The following COL2A1 variants were observed in gnomAD, a reference collection of about 807,000 sequenced individuals.
COL2A1 encodes the protein collagen alpha-1(II) chain.
COL2A1 carries 28 observed loss-of-function variants against 204.5 expected under a neutral mutation model. The observed-to-expected ratio is 0.14, with a 90% CI of 0.10 to 0.19. COL2A1 has a LOEUF of 0.19. Ranked by LOEUF, COL2A1 falls within the 10% of genes least tolerant of loss-of-function variation. The pLI, the probability that COL2A1 is intolerant of heterozygous loss-of-function variation, is 1.00. For missense variants in COL2A1, 1,388 were observed against 2,027.5 expected, an observed-to-expected ratio of 0.68 and a Z score of 6.06; for synonymous variants, 708 against 718.7, an observed-to-expected ratio of 0.99 and a Z score of 0.24.
Position 47,987,515 on chromosome 12 carries a change from G to T in COL2A1, c.1221+96C>A. On this transcript the variant is annotated intron_variant, in intron 19 of 53. Transcript: ENST00000380518. The surrounding 1 kb of genome is among the most constrained non-coding windows in gnomAD (Gnocchi z 4.1). Reference sequence around the variant, plus strand: ...CATTGGGCCAGAATGAAGGTTTGGTGGTTGGAGCCCACAACTGTCAGAGCA... The same window carrying T: ...CATTGGGCCAGAATGAAGGTTTGGTTGTTGGAGCCCACAACTGTCAGAGCA... 1 of 1,198,166 alleles carries T rather than the reference G, an allele frequency of 8.3e-7. No individual in the cohort carries two copies. Among genetic ancestry groups the T allele is most frequent in the Non-Finnish European group, 1.2e-6 (1 of 825,512 alleles). 74.2% of individuals were successfully genotyped at this position (1,198,166 alleles called of 1,614,324 possible). A position where few individuals can be genotyped will look rare whatever the true frequency, so the allele number is the denominator to read the frequency against.
At chr12:47,983,827 G>T in intron 29 of COL2A1, 91 bp from the exon 30 acceptor site, 1 of 1,343,466 alleles carries the variant, frequency 7.4e-7, no homozygotes, top group Non-Finnish European at 1.0e-6. Context: ...CAGCAGGGTG[G>T]GCAGCACAGG....
At chr12:47,997,430 A>C (rs878959535) in intron 7 of COL2A1, among the ~76,000 whole-genome samples, 176 bp downstream of exon 7, 2 of 152,240 alleles carry the variant, frequency 1.3e-5, no homozygotes, top group African/African-American at 4.8e-5. Flanking sequence ...TTAGCACCAC[A>C]GTCTCATGCC....
Position 47,976,454 on chromosome 12 carries a change from G to T in COL2A1, c.3489+60C>A. On this transcript the variant is annotated intron_variant, in intron 49 of 53. Transcript: ENST00000380518. The surrounding 1 kb of genome is among the most constrained non-coding windows in gnomAD (Gnocchi z 4.3). The stretch of plus-strand genomic sequence containing the variant: ...AAGCAGCAGCATTTCCCTCCCCATG[G>T]GAACACAGGCCCACACTCTCTGAAG... 6.4e-7 allele frequency: 1 copy of T among 1,573,446 alleles called. No individual in the cohort carries two copies. The highest frequency in any genetic ancestry group is 8.7e-7 in the Non-Finnish European group (1 of 1,143,304).
chr12:47,973,412 A>T lies in COL2A1; in HGVS notation c.4459T>A (p.Leu1487Met). The change falls in exon 54 of 54, where the codon TTG becomes ATG. Residue 1487 changes from leucine (L) to methionine (M), a missense_variant. Physicochemically the swap from Leu to Met is conservative, Grantham distance 15. Coordinates refer to ENST00000380518, the MANE Select transcript of COL2A1 (RefSeq NM_001844.5). ...FGVDIGPVCF[L>M] ...TTGTTTCTGGGTTCAGGTTTTTACA[A>T]GAAGCAGACCGGCCCTATGTCCACA... The T allele has an allele frequency of 2.5e-6, 4 of 1,614,164 alleles. No homozygotes were observed. The highest frequency in any genetic ancestry group is 1.3e-5 in the African/African-American group (1 of 75,026).
intron 10 of COL2A1, 131 bp downstream of exon 10, chr12:47,995,579 T>A (rs1373731893): frequency 2.0e-6 from 2 of 989,696 alleles, no homozygotes; most frequent in East Asian, 2.4e-5. Context: ...GGAAGTGACA[T>A]CCGAATTTCC....
chr12:47,978,682 G>A lies in COL2A1; in HGVS notation c.2810C>T (p.Pro937Leu). 2 of 1,613,270 alleles carry A rather than the reference G, an allele frequency of 1.2e-6. No individual in the cohort carries two copies. Among genetic ancestry groups the A allele is most frequent in the Non-Finnish European group, 1.7e-6 (2 of 1,179,978 alleles). The change falls in exon 42 of 54, where the codon CCC becomes CTC. Residue 937 changes from proline to leucine, a missense_variant. Around this residue, in one of 3 missense-constraint regions of COL2A1, gnomAD observed 884 missense variants for 1,415.8 expected, o/e 0.62. Coordinates refer to ENST00000380518, the MANE Select transcript of COL2A1 (RefSeq NM_001844.5). The surrounding 1 kb of genome is among the most constrained non-coding windows in gnomAD (Gnocchi z 5.5). Reference protein sequence around the residue: ...GPKGARGDSGPPGRAGEPGLQ... With the variant: ...GPKGARGDSGLPGRAGEPGLQ... Reference sequence around the variant, plus strand: ...GCCGGGTTCACCAGCTCGGCCAGGGGGGCCGCTGTCTCCTCGAGCACCTTT... The same window carrying A: ...GCCGGGTTCACCAGCTCGGCCAGGGAGGCCGCTGTCTCCTCGAGCACCTTT...
chr12:47,973,300 T>A lies in COL2A1; in HGVS notation c.*107A>T, dbSNP rs900354178. 4.2e-6 allele frequency: 6 copies of A among 1,433,492 alleles called. No homozygotes were observed. Among genetic ancestry groups the A allele is most frequent in the African/African-American group, 1.4e-5 (1 of 71,116 alleles). The allele number at this position is 1,433,492 out of a possible 1,614,324, so 88.8% of individuals were successfully genotyped here. On this transcript the variant is annotated 3_prime_UTR_variant, in exon 54 of 54. Coordinates refer to ENST00000380518, the MANE Select transcript of COL2A1 (RefSeq NM_001844.5). ...TGTGAGAGGGTGGGATGAATGGACA[T>A]CAGGTCAGGTCAGCCATTCAGTGCA...
At chr12:47,993,640 G>A in intron 14 of COL2A1, 138 bp from the exon 15 acceptor site, 2 of 1,079,810 alleles carry the variant, frequency 1.9e-6, no homozygotes, top group Non-Finnish European at 2.8e-6. Context: ...ACAATGCCCT[G>A]AGCTCTCCAG....
At chr12:47,993,330 G>A (rs1373912294) in intron 15 of COL2A1, 128 bp downstream of exon 15, 3 of 774,206 alleles carry the variant, frequency 3.9e-6, no homozygotes, top group South Asian at 1.4e-5. Flanking sequence ...AATACATTTT[G>A]CTTTTTGCTC....
At chr12:47,998,348 A>G (rs1281402288) in intron 3 of COL2A1, 67 bp downstream of exon 3, 20 of 1,515,798 alleles carry the variant, frequency 1.3e-5, no homozygotes. Flanking sequence ...TTAACATAGC[A>G]TTGCTTTTGA....
chr12:47,999,838 A>T, intron 2 of COL2A1, 81 bp downstream of exon 2: 1 of 1,275,530 alleles, frequency 7.8e-7, no homozygotes, highest in Non-Finnish European at 1.1e-6. Context: ...CTTTGCAGAG[A>T]CGACCAGCAT....
chr12:47,998,000 G>A (rs1373482929), intron 5 of COL2A1, 32 bp downstream of exon 5: 3 of 1,614,202 alleles, frequency 1.9e-6, no homozygotes, highest in South Asian at 1.1e-5. Context: ...CAGCGAGGAA[G>A]GGACGGAGAA....
At position 48,000,030 on chromosome 12, in the gene COL2A1, T is replaced by A; in HGVS notation, c.181A>T (p.Thr61Ser). ...PCRICVCDTG[T>S]VLCDDIICED... ...CAGATTATGTCGTCGCAGAGGACAG[T>A]CCCAGTGTCACAGACACAGATCCGG... The change falls in exon 2 of 54, where the codon ACT becomes TCT. Residue 61 changes from threonine (T) to serine (S), a missense_variant. Thr to Ser is a moderately conservative substitution (Grantham distance 58). Around this residue, in one of 3 missense-constraint regions of COL2A1, gnomAD observed 201 missense variants for 242.4 expected, o/e 0.83. Coordinates refer to ENST00000380518, the MANE Select transcript of COL2A1 (RefSeq NM_001844.5). 1 of 1,613,720 alleles carries A rather than the reference T, an allele frequency of 6.2e-7. No homozygotes were observed. The highest frequency in any genetic ancestry group is 2.2e-5 in the East Asian group (1 of 44,872).
Position 47,977,045 on chromosome 12 carries a change from G to A in COL2A1, c.3327+57C>T. On this transcript the variant is annotated intron_variant, in intron 47 of 53. Transcript: ENST00000380518. ...AGGCCCAGGAACCACCTGGAGGCTG[G>A]CTGCCCTCCCAGCCTATCCCTGGTG... is the stretch of plus-strand genomic sequence containing the variant. 3 of 1,570,470 alleles carry A rather than the reference G, an allele frequency of 1.9e-6. No homozygotes were observed. The South Asian group carries it at 3.5e-5, about 18-fold the overall frequency.
Position 47,982,880 on chromosome 12 carries a change from G to A in COL2A1, c.2161C>T (p.Leu721Phe). Reference sequence around the variant, plus strand: ...CCATCAGTGCCAGGAGTGCCGGGGAGGCCACGGGGACCCTGGAGGCCCTGG... The same window carrying A: ...CCATCAGTGCCAGGAGTGCCGGGGAAGCCACGGGGACCCTGGAGGCCCTGG... The part of the protein sequence containing the change: ...GAQGLQGPRG[L>F]PGTPGTDGPK... The change falls in exon 33 of 54, where the codon CTC (leucine) becomes TTC (phenylalanine). Residue 721 changes from leucine to phenylalanine, a missense_variant. Leu to Phe is a conservative substitution (Grantham distance 22, BLOSUM62 0). Coordinates refer to ENST00000380518, the MANE Select transcript of COL2A1 (RefSeq NM_001844.5). 6.2e-7 allele frequency: 1 copy of A among 1,612,784 alleles called. No individual in the cohort carries two copies. Among genetic ancestry groups the A allele is most frequent in the Non-Finnish European group, 8.5e-7 (1 of 1,179,894 alleles).
In COL2A1 at chr12:47,976,401, A is replaced by G. The variant is rs1052616312; in HGVS notation, c.3489+113T>C. 4.9e-6 allele frequency: 6 copies of G among 1,215,544 alleles called. No individual in the cohort carries two copies. In the African/African-American group the frequency reaches 7.5e-5, roughly 15 times the overall value. 75.3% of individuals were successfully genotyped at this position (1,215,544 alleles called of 1,614,324 possible). A position where few individuals can be genotyped will look rare whatever the true frequency, so the allele number is the denominator to read the frequency against. Reference sequence around the variant, plus strand: ...CCAGTCCTGCCCCCATTACTGAGTGAGGACCCCTGAGCCCACAGCTTCCCC... The same window carrying G: ...CCAGTCCTGCCCCCATTACTGAGTGGGGACCCCTGAGCCCACAGCTTCCCC... On this transcript the variant is annotated intron_variant, in intron 49 of 53. Transcript: ENST00000380518. This position sits in a 1 kb window ranked among gnomAD's most constrained non-coding sequence, Gnocchi z 4.3.
rs927945133 is a variant in COL2A1, at chr12:47,974,731, T to C, written c.4018A>G (p.Lys1340Glu). ...CAGATGTGTTTCTTCTCCTTGCTCT[T>C]GCTGCTCCACCAGTTCTTCTTGGGA... ...NVPKKNWWSS[K>E]SKEKKHIWFG... Residue 1340 changes from lysine (K) to glutamate (E), a missense_variant, in exon 52 of 54, where the codon AAG becomes GAG. By Grantham distance (56) the Lys-to-Glu change is moderately conservative (BLOSUM62 1). Around this residue, in one of 3 missense-constraint regions of COL2A1, gnomAD observed 303 missense variants for 369.2 expected, o/e 0.82. Transcript: ENST00000380518. 1.9e-6 allele frequency: 3 copies of C among 1,614,098 alleles called. No individual in the cohort carries two copies. Among genetic ancestry groups the C allele is most frequent in the Non-Finnish European group, 2.5e-6 (3 of 1,180,048 alleles).
intron 18 of COL2A1, among the ~76,000 whole-genome samples, chr12:47,988,870 C>T (rs1939568818): frequency 1.3e-5 from 2 of 152,250 alleles, no homozygotes; most frequent in Admixed American, 6.5e-5. Context: ...GTCAGGGCCC[C>T]GAGCTTGCTC....
rs150078142 is a variant in COL2A1, at chr12:47,978,934, C to T, written c.2734-176G>A. ...CCAATCTACCGCTGCAACCTTCTCA[C>T]CATGTGAGACAGCTCTGGGCAGACA... is the stretch of plus-strand genomic sequence containing the variant. On this transcript the variant is annotated intron_variant, in intron 41 of 53. Transcript: ENST00000380518. This position sits in a 1 kb window ranked among gnomAD's most constrained non-coding sequence, Gnocchi z 5.5. Among the ~76,000 whole-genome samples, 27 of 152,134 alleles carry T rather than the reference C, an allele frequency of 1.8e-4. No individual in the cohort carries two copies. The highest frequency in any genetic ancestry group is 7.9e-4 in the Admixed American group (12 of 15,276).
Sources: gnomAD v4.1 joint callset for allele counts (sites outside exome capture counted in the v4.1 genomes callset) on GRCh38, gnomAD v4.1.1 for gene constraint, gnomAD v4.1.1 regional missense constraint, Gnocchi (gnomAD v3.1) non-coding constraint, MANE v1.5 for transcripts, NCBI Gene and HGNC (gene_info 2026-07-23, HGNC 2026-07-21) for gene names.